UQCR10: variants seen among roughly 807,000 people sequenced by gnomAD.
UQCR10 encodes ubiquinol-cytochrome c reductase, complex III subunit X, also known as cytochrome b-c1 complex subunit 9.
In UQCR10, 5 loss-of-function variants were observed where a neutral mutation model predicts 6.0. The ratio of observed to expected loss-of-function variants is 0.83; its 90% CI spans 0.43 to 1.74. The LOEUF (loss-of-function observed/expected upper bound fraction) is 1.74, where lower values mean the gene tolerates loss of function less well. UQCR10 is among the 40% of genes most tolerant of loss of function. The pLI is 0.02. For missense variants in UQCR10, 101 were observed against 85.1 expected, an observed-to-expected ratio of 1.19 and a Z score of -0.74; for synonymous variants, 40 against 37.4, an observed-to-expected ratio of 1.07 and a Z score of -0.26.
In UQCR10 at chr22:29,769,789, C is replaced by T. The variant is rs774927481; in HGVS notation, c.*70C>T. Reference sequence around the variant, plus strand: ...AGCAGCTGTTTGCCCAGAGCTGGAGCCTCAGCTTGAAGATGATGCTCAAGG... The same window carrying T: ...AGCAGCTGTTTGCCCAGAGCTGGAGTCTCAGCTTGAAGATGATGCTCAAGG... On this transcript the variant is annotated 3_prime_UTR_variant, in exon 2 of 2. Transcript: ENST00000330029. The T allele has an allele frequency of 1.9e-6, 3 of 1,538,478 alleles. No homozygotes were observed. Among genetic ancestry groups the T allele is most frequent in the Non-Finnish European group, 2.7e-6 (3 of 1,128,486 alleles).
At chr22:29,768,945 G>T (rs1220808175) in intron 1 of UQCR10, among the ~76,000 whole-genome samples, 1 of 152,182 alleles carries the variant, frequency 6.6e-6, no homozygotes, top group Non-Finnish European at 1.5e-5. Flanking sequence ...TTCTGGGAAT[G>T]AGAATTTCAG....
In UQCR10 at chr22:29,767,386, A is replaced by C. The variant is rs1337207410; in HGVS notation, c.-13A>C. ...GCGCAGGCGCGGTGGCGCGAGTTGGACTGTGAAGAAACATGGCGGCCGCGA... is the reference window on the plus strand; with the variant it reads ...GCGCAGGCGCGGTGGCGCGAGTTGGCCTGTGAAGAAACATGGCGGCCGCGA... On this transcript the variant is annotated 5_prime_UTR_variant, in exon 1 of 2. Transcript: ENST00000330029. The C allele has an allele frequency of 6.2e-7, 1 of 1,611,246 alleles. No individual in the cohort carries two copies. The highest frequency in any genetic ancestry group is 8.5e-7 in the Non-Finnish European group (1 of 1,178,606).
Position 29,767,567 on chromosome 22 carries a change from C to G in UQCR10, c.150+19C>G, listed in dbSNP as rs769035451. 1.3e-6 allele frequency: 2 copies of G among 1,488,668 alleles called. No individual in the cohort carries two copies. The highest frequency in any genetic ancestry group is 1.8e-5 in the Admixed American group (1 of 56,822). 92.2% of individuals were successfully genotyped at this position (1,488,668 alleles called of 1,614,324 possible). ...CGAGGGGGTGAGGGCCTGTGCCATC[C>G]CTGACCTTGGACCCGCCTGAGGGGT... On this transcript the variant is annotated intron_variant, in intron 1 of 1. Transcript: ENST00000330029.
chr22:29,767,418 C>T lies in UQCR10; in HGVS notation c.20C>T (p.Thr7Ile). 2.5e-6 allele frequency: 4 copies of T among 1,613,338 alleles called. No homozygotes were observed. The highest frequency in any genetic ancestry group is 3.4e-6 in the Non-Finnish European group (4 of 1,179,490). The change falls in exon 1 of 2, where the codon ACT (threonine) becomes ATT (isoleucine). Residue 7 changes from threonine to isoleucine, a missense_variant. Physicochemically the swap from Thr to Ile is moderately conservative, Grantham distance 89. Transcript: ENST00000330029. MAAATL[T>I]SKLYSLLFRR... Reference sequence around the variant, plus strand: ...AGAAACATGGCGGCCGCGACGTTGACTTCGAAATTGTACTCCCTGCTGTTC... The same window carrying T: ...AGAAACATGGCGGCCGCGACGTTGATTTCGAAATTGTACTCCCTGCTGTTC...
chr22:29,769,182 A>G (rs2068246773), intron 1 of UQCR10, among the ~76,000 whole-genome samples: 1 of 152,166 alleles, frequency 6.6e-6, no homozygotes, highest in Non-Finnish European at 1.5e-5. Flanking sequence ...GATTGAAAGC[A>G]TCATAGTATT....
chr22:29,768,761 G>C (rs1322735070), intron 1 of UQCR10, among the ~76,000 whole-genome samples: 2 of 152,086 alleles, frequency 1.3e-5, no homozygotes, highest in Non-Finnish European at 2.9e-5. Flanking sequence ...TGAGTAGCTG[G>C]GACCACAGGC....
chr22:29,767,398 C>T lies in UQCR10; in HGVS notation c.-1C>T, dbSNP rs375020636. ...TGGCGCGAGTTGGACTGTGAAGAAACATGGCGGCCGCGACGTTGACTTCGA... is the reference window on the plus strand; with the variant it reads ...TGGCGCGAGTTGGACTGTGAAGAAATATGGCGGCCGCGACGTTGACTTCGA... On this transcript the variant is annotated 5_prime_UTR_variant, in exon 1 of 2. Coordinates refer to ENST00000330029, the MANE Select transcript of UQCR10 (RefSeq NM_013387.4). 5 of 1,612,560 alleles carry T rather than the reference C, an allele frequency of 3.1e-6. No homozygotes were observed. The African/African-American group carries it at 6.7e-5, about 22-fold the overall frequency.
chr22:29,767,477 G>A lies in UQCR10; in HGVS notation c.79G>A (p.Val27Met), dbSNP rs1241238334. ...RTSTFALTII[V>M]GVMFFERAFD... ...CTCCACCTTCGCCCTCACCATCATC[G>A]TGGGCGTCATGTTCTTCGAGCGCGC... Residue 27 changes from valine (V) to methionine (M), a missense_variant, in exon 1 of 2, where the codon GTG becomes ATG. By Grantham distance (21) the Val-to-Met change is conservative (BLOSUM62 1). Transcript: ENST00000330029. 1 of 1,614,004 alleles carries A rather than the reference G, an allele frequency of 6.2e-7. No homozygotes were observed. The highest frequency in any genetic ancestry group is 1.1e-5 in the South Asian group (1 of 91,090).
intron 1 of UQCR10, among the ~76,000 whole-genome samples, chr22:29,767,827 A>G (rs2068234310): frequency 1.3e-5 from 2 of 152,308 alleles, no homozygotes; most frequent in South Asian, 4.1e-4. Flanking sequence ...AAGGCTAGTG[A>G]GAGCAAAGGA....
intron 1 of UQCR10, 103 bp from the exon 2 acceptor site, chr22:29,769,575 A>G (rs1601738460): frequency 8.0e-7 from 1 of 1,246,786 alleles, no homozygotes. Flanking sequence ...AGGACATGGC[A>G]TGTGTTTCCC....
At position 29,767,442 on chromosome 22, in the gene UQCR10, T is replaced by A. The variant is rs767192279; in HGVS notation, c.44T>A (p.Phe15Tyr). Residue 15 changes from phenylalanine (F) to tyrosine (Y), a missense_variant, in exon 1 of 2, where the codon TTC becomes TAC. Transcript: ENST00000330029. The stretch of plus-strand genomic sequence containing the variant: ...ACTTCGAAATTGTACTCCCTGCTGT[T>A]CCGCAGGACCTCCACCTTCGCCCTC... ...TLTSKLYSLL[F>Y]RRTSTFALTI... 17 of 1,613,856 alleles carry A rather than the reference T, an allele frequency of 1.1e-5. No individual in the cohort carries two copies. The highest frequency in any genetic ancestry group is 1.4e-5 in the Non-Finnish European group (16 of 1,179,862).
intron 1 of UQCR10, among the ~76,000 whole-genome samples, chr22:29,768,956 C>T (rs2050543780): frequency 6.6e-6 from 1 of 152,094 alleles, no homozygotes; most frequent in African/African-American, 2.4e-5. Context: ...AGAATTTCAG[C>T]CAATTTAGGT....
rs560864327 is a variant in UQCR10, at chr22:29,770,323, TAA to T, written c.*607_*608del. 1 of 207,442 alleles carries T rather than the reference TAA, an allele frequency of 4.8e-6. No homozygotes were observed. The highest frequency in any genetic ancestry group is 1.0e-5 in the Non-Finnish European group (1 of 99,194). The allele number at this position is 207,442 out of a possible 1,614,324, so 12.9% of individuals were successfully genotyped here. A position where few individuals can be genotyped will look rare whatever the true frequency, so the allele number is the denominator to read the frequency against. On this transcript the variant is annotated 3_prime_UTR_variant, in exon 2 of 2. Coordinates refer to ENST00000330029, the MANE Select transcript of UQCR10 (RefSeq NM_013387.4). ...TGGAAGAATTGTCTTGGGCCACACA[TAA>T]AATACAGTAACCATAGCTGATGAGC... is the stretch of plus-strand genomic sequence containing the variant.
chr22:29,769,983 G>C lies in UQCR10; in HGVS notation c.*264G>C. On this transcript the variant is annotated 3_prime_UTR_variant, in exon 2 of 2. Coordinates refer to ENST00000330029, the MANE Select transcript of UQCR10 (RefSeq NM_013387.4). ...ATTGGTTGCTTTGTTAACTCTACCT[G>C]ATCTTCACTTGTCAGTAATTTGAGA... 3 of 627,204 alleles carry C rather than the reference G, an allele frequency of 4.8e-6. No homozygotes were observed. In the East Asian group the frequency reaches 9.5e-5, roughly 20 times the overall value. 38.9% of individuals were successfully genotyped at this position (627,204 alleles called of 1,614,324 possible). A position where few individuals can be genotyped will look rare whatever the true frequency, so the allele number is the denominator to read the frequency against.
chr22:29,769,364 G>T (rs903547948), intron 1 of UQCR10, among the ~76,000 whole-genome samples: 2 of 152,110 alleles, frequency 1.3e-5, no homozygotes, highest in African/African-American at 4.8e-5. Context: ...TAGCCGGGTA[G>T]CGCATACCTG....
At chr22:29,768,924 A>G (rs2147246007) in intron 1 of UQCR10, among the ~76,000 whole-genome samples, 1 of 151,988 alleles carries the variant, frequency 6.6e-6, no homozygotes, top group Middle Eastern at 3.4e-3. Context: ...ACTGTGCTCA[A>G]CCTCTTGTGC....
intron 1 of UQCR10, 44 bp downstream of exon 1, chr22:29,767,592 T>C (rs1395801120): frequency 6.2e-7 from 1 of 1,602,276 alleles, no homozygotes; most frequent in Non-Finnish European, 8.5e-7. Context: ...GCCTGAGGGG[T>C]GACAGTGGAG....
rs769035451 is a variant in UQCR10, at chr22:29,767,567, C to T, written c.150+19C>T. 6.7e-7 allele frequency: 1 copy of T among 1,488,668 alleles called. No homozygotes were observed. The highest frequency in any genetic ancestry group is 1.1e-5 in the South Asian group (1 of 88,070). The allele number at this position is 1,488,668 out of a possible 1,614,324, so 92.2% of individuals were successfully genotyped here. ...CGAGGGGGTGAGGGCCTGTGCCATC[C>T]CTGACCTTGGACCCGCCTGAGGGGT... On this transcript the variant is annotated intron_variant, in intron 1 of 1. Coordinates refer to ENST00000330029, the MANE Select transcript of UQCR10 (RefSeq NM_013387.4).
intron 1 of UQCR10, 108 bp downstream of exon 1, chr22:29,767,656 A>G: frequency 7.0e-7 from 1 of 1,424,336 alleles, no homozygotes; most frequent in Non-Finnish European, 9.3e-7. Context: ...TAAGGGGTAA[A>G]CCGTCGGCGT....
Sources: allele counts gnomAD v4.1 joint callset (sites outside exome capture counted in the v4.1 genomes callset), GRCh38; gene constraint gnomAD v4.1.1; transcripts MANE v1.5; gene names NCBI Gene and HGNC (gene_info 2026-07-23, HGNC 2026-07-21).